TLL1: variants seen among roughly 807,000 people sequenced by gnomAD.
TLL1 encodes tolloid-like protein 1.
In TLL1, 49 loss-of-function variants were observed where a neutral mutation model predicts 128.2. The ratio of observed to expected loss-of-function variants is 0.38; its 90% CI spans 0.30 to 0.48. The LOEUF is 0.48. Among genes scored for constraint, TLL1 ranks in the 20% least tolerant of loss-of-function variants. The pLI is 0.96. For missense variants in TLL1, 1,123 were observed against 1,242.0 expected, an observed-to-expected ratio of 0.90 and a Z score of 1.44; for synonymous variants, 454 against 418.8, an observed-to-expected ratio of 1.08 and a Z score of -1.03.
Position 166,100,945 on chromosome 4 carries a change from G to A in TLL1, c.*69G>A, listed in dbSNP as rs1288269679. ...GAGAAGACATATTTTTTTTAAAACT[G>A]AAGATATTGGCACAAATGTTTTATA... On this transcript the variant is annotated 3_prime_UTR_variant, in exon 21 of 21. Coordinates refer to ENST00000061240, the MANE Select transcript of TLL1 (RefSeq NM_012464.5). 2 of 1,564,906 alleles carry A rather than the reference G, an allele frequency of 1.3e-6. No individual in the cohort carries two copies. Among genetic ancestry groups the A allele is most frequent in the Non-Finnish European group, 1.7e-6 (2 of 1,147,786 alleles).
chr4:165,981,048 A>G (rs1736126367), intron 1 of TLL1, among the ~76,000 whole-genome samples: 1 of 152,060 alleles, frequency 6.6e-6, no homozygotes, highest in Non-Finnish European at 1.5e-5. Flanking sequence ...TTGGTGAACT[A>G]CTGTATTTCT....
intron 18 of TLL1, among the ~76,000 whole-genome samples, chr4:166,084,219 A>G (rs183723280): frequency 1.6e-3 from 238 of 152,206 alleles, no homozygotes; most frequent in Non-Finnish European, 3.1e-3. Context: ...TCCTTTGCCC[A>G]TAAATAAGTT....
chr4:166,094,425 A>G (rs1414023514), intron 19 of TLL1, among the ~76,000 whole-genome samples: 1 of 152,128 alleles, frequency 6.6e-6, no homozygotes, highest in Admixed American at 6.6e-5. Flanking sequence ...AATATTAAGT[A>G]AATCTTTTCA....
At chr4:166,035,539 A>C (rs1738960885) in intron 9 of TLL1, among the ~76,000 whole-genome samples, 2 of 152,162 alleles carry the variant, frequency 1.3e-5, no homozygotes, top group Non-Finnish European at 2.9e-5. Flanking sequence ...CAGAATGTTT[A>C]AGTAAACCAG....
intron 8 of TLL1, among the ~76,000 whole-genome samples, chr4:166,019,329 G>A (rs1486924317): frequency 6.6e-6 from 1 of 152,130 alleles, no homozygotes; most frequent in African/African-American, 2.4e-5. Flanking sequence ...AGGCGACAAG[G>A]ATTGAAAAAT....
At chr4:166,083,821 C>T (rs1158718176) in intron 18 of TLL1, among the ~76,000 whole-genome samples, 1 of 152,160 alleles carries the variant, frequency 6.6e-6, no homozygotes, top group Non-Finnish European at 1.5e-5. Flanking sequence ...CGTATCTTGG[C>T]TATTGTGAAT....
At chr4:166,024,751 A>G (rs1738416802) in intron 8 of TLL1, among the ~76,000 whole-genome samples, 1 of 152,084 alleles carries the variant, frequency 6.6e-6, no homozygotes, top group Non-Finnish European at 1.5e-5. Flanking sequence ...AAATATTTAC[A>G]TCTTTTTGGA....
At chr4:166,096,090 A>G (rs1742005020) in intron 19 of TLL1, among the ~76,000 whole-genome samples, 2 of 152,110 alleles carry the variant, frequency 1.3e-5, no homozygotes, top group Admixed American at 1.3e-4. Flanking sequence ...CTCTCAGGGC[A>G]TATTATAGGT....
Position 166,099,412 on chromosome 4 carries a change from T to C in TLL1, c.2792T>C (p.Leu931Ser). Residue 931 changes from leucine (L) to serine (S), a missense_variant, in exon 20 of 21, where the codon TTA becomes TCA. Around this residue, in one of 3 missense-constraint regions of TLL1, gnomAD observed 634 missense variants for 672.4 expected, o/e 0.94. Coordinates refer to ENST00000061240, the MANE Select transcript of TLL1 (RefSeq NM_012464.5). ...LVSERGSRLE[L>S]SFQTFEVEEE... ...TCAGAACGGGGCTCTCGACTTGAAT[T>C]ATCCTTCCAGACATTTGAAGTGGAG... The C allele has an allele frequency of 6.2e-7, 1 of 1,613,602 alleles. No individual in the cohort carries two copies. Among genetic ancestry groups the C allele is most frequent in the Non-Finnish European group, 8.5e-7 (1 of 1,179,676 alleles).
At chr4:165,948,195 T>G (rs113338244) in intron 1 of TLL1, among the ~76,000 whole-genome samples, 2,160 of 152,260 alleles carry the variant, frequency 0.014, 51 homozygotes, top group African/African-American at 0.047. Flanking sequence ...CTGTTGGAAC[T>G]GGTGTATTTA....
At chr4:165,979,349 G>A (rs1220063327) in intron 1 of TLL1, among the ~76,000 whole-genome samples, 1 of 152,056 alleles carries the variant, frequency 6.6e-6, no homozygotes, top group African/African-American at 2.4e-5. Flanking sequence ...AAGAAAAGCT[G>A]TAGTCAAATG....
chr4:166,015,823 A>G (rs975550488), intron 8 of TLL1, among the ~76,000 whole-genome samples: 2 of 151,536 alleles, frequency 1.3e-5, no homozygotes, highest in East Asian at 1.9e-4. Flanking sequence ...ATTCCTTAAT[A>G]CTAGATTTGC....
rs181946730 is a variant in TLL1, at chr4:166,043,015, G to A, written c.1379-259G>A. On this transcript the variant is annotated intron_variant, in intron 11 of 20. Transcript: ENST00000061240. The stretch of plus-strand genomic sequence containing the variant: ...ACAAAGCCACTAAAGGTTTTTAAAG[G>A]TTAAAAAATACCTTTTCGTTAAGAT... Among the ~76,000 whole-genome samples, 219 of 152,108 alleles carry A rather than the reference G, an allele frequency of 1.4e-3. 1 individual carries two copies. The highest frequency in any genetic ancestry group is 5.0e-3 in the African/African-American group (209 of 41,502).
At chr4:166,071,004 G>A (rs572409508) in intron 16 of TLL1, among the ~76,000 whole-genome samples, 19 of 151,974 alleles carry the variant, frequency 1.3e-4, no homozygotes, top group African/African-American at 4.6e-4. Context: ...CTCTGTTGTA[G>A]CTCTCGTAGT....
intron 19 of TLL1, among the ~76,000 whole-genome samples, chr4:166,095,916 T>C (rs1372476553): frequency 6.6e-6 from 1 of 152,122 alleles, no homozygotes; most frequent in East Asian, 1.9e-4. Context: ...TAGGTAGATT[T>C]GATGAAATCT....
intron 9 of TLL1, among the ~76,000 whole-genome samples, chr4:166,036,907 A>C (rs1027187185): frequency 4.6e-5 from 7 of 152,078 alleles, no homozygotes; most frequent in African/African-American, 1.4e-4. Flanking sequence ...GATAATACAC[A>C]TACTTCTAAT....
rs771376008 is a variant in TLL1, at chr4:165,994,498, G to C, written c.479G>C (p.Gly160Ala). ...AGAACGGAAAGAATATGGCCTGGAG[G>C]CGTTATTCCTTATGTTATAGGAGGA... ...TSRTERIWPGGVIPYVIGGNF... is the reference protein window; with the variant it reads ...TSRTERIWPGAVIPYVIGGNF... The change falls in exon 4 of 21, where the codon GGC (glycine) becomes GCC (alanine). Residue 160 changes from glycine (G) to alanine (A), a missense_variant. Around this residue, in one of 3 missense-constraint regions of TLL1, gnomAD observed 480 missense variants for 542.4 expected, o/e 0.89. Coordinates refer to ENST00000061240, the MANE Select transcript of TLL1 (RefSeq NM_012464.5). The C allele has an allele frequency of 5.6e-6, 9 of 1,613,974 alleles. No individual in the cohort carries two copies. The East Asian group carries it at 2.0e-4, about 36-fold the overall frequency.
intron 12 of TLL1, among the ~76,000 whole-genome samples, chr4:166,043,854 A>G (rs181025825): frequency 3.3e-5 from 5 of 152,150 alleles, no homozygotes; most frequent in Admixed American, 3.3e-4. Context: ...TGTTTATATC[A>G]AAAATAGGGA....
Position 166,060,266 on chromosome 4 carries a change from A to G in TLL1, c.2007+78A>G. 4 of 1,474,316 alleles carry G rather than the reference A, an allele frequency of 2.7e-6. No individual in the cohort carries two copies. In the Middle Eastern group the frequency reaches 7.0e-4, roughly 257 times the overall value. The allele number at this position is 1,474,316 out of a possible 1,614,324, so 91.3% of individuals were successfully genotyped here. A position where few individuals can be genotyped will look rare whatever the true frequency, so the allele number is the denominator to read the frequency against. ...GGCAAACTGTGAAATTAAAAAAAAA[A>G]AAGATGTAGTAAAATAGTATAGACA... On this transcript the variant is annotated intron_variant, in intron 15 of 20. Transcript: ENST00000061240.
Sources: gnomAD v4.1 joint callset for allele counts (sites outside exome capture counted in the v4.1 genomes callset) on GRCh38, gnomAD v4.1.1 for gene constraint, gnomAD v4.1.1 regional missense constraint, MANE v1.5 for transcripts, NCBI Gene and HGNC (gene_info 2026-07-23, HGNC 2026-07-21) for gene names.